Variants in MASP2 observed in about 807,000 individuals in gnomAD.
MASP2 encodes the protein mannan-binding lectin serine protease 2.
A neutral mutation model predicts 57.1 loss-of-function variants in MASP2; 49 were observed. The ratio of observed to expected loss-of-function variants is 0.86; its 90% CI spans 0.68 to 1.09. The LOEUF (loss-of-function observed/expected upper bound fraction) is 1.09. Ranked by LOEUF, MASP2 falls within the 50% of genes least tolerant of loss-of-function variation. MASP2 has a pLI of 0.00. For missense variants in MASP2, 900 were observed against 874.8 expected, an observed-to-expected ratio of 1.03 and a Z score of -0.36; for synonymous variants, 379 against 340.8, an observed-to-expected ratio of 1.11 and a Z score of -1.24.
Position 11,027,593 on chromosome 1 carries a change from T to G in MASP2, c.1353A>C (p.Ala451=), listed in dbSNP as rs373165303. 1.7e-5 allele frequency: 28 copies of G among 1,614,090 alleles called. No homozygotes were observed. Among genetic ancestry groups the G allele is most frequent in the Non-Finnish European group, 2.1e-5 (25 of 1,180,042 alleles). The stretch of plus-strand genomic sequence containing the variant: ...CTTGCCAAGGAAAATCACCAGGTTT[T>G]GCCTTTTGCCCTCCATATATACGCC... The part of the protein sequence containing the change: ...TGGRIYGGQK[A]KPGDFPWQVL... Residue 451 remains alanine (A), a synonymous_variant, in exon 11 of 11, where the codon GCA becomes GCC. Coordinates refer to ENST00000400897, the MANE Select transcript of MASP2 (RefSeq NM_006610.4).
chr1:11,045,146 G>A (rs915325456), intron 4 of MASP2: 4 of 743,652 alleles, frequency 5.4e-6, no homozygotes, highest in African/African-American at 5.2e-5. Context: ...GGCTACATGA[G>A]GGGTTCCCAG....
intron 8 of MASP2, among the ~76,000 whole-genome samples, chr1:11,034,056 G>A (rs978653384): frequency 6.6e-6 from 1 of 151,642 alleles, no homozygotes. Context: ...TGGCCAACAT[G>A]GTGAAACCCC....
chr1:11,035,794 G>C (rs1643881946), intron 7 of MASP2, among the ~76,000 whole-genome samples: 1 of 151,738 alleles, frequency 6.6e-6, no homozygotes, highest in South Asian at 2.1e-4. Flanking sequence ...TACTTGGGAG[G>C]CTGGGGTGAG....
At chr1:11,033,327 T>TC (rs1643866600) in intron 8 of MASP2, among the ~76,000 whole-genome samples, 1 of 138,048 alleles carries the variant, frequency 7.2e-6, no homozygotes, top group South Asian at 2.3e-4. Context: ...AAACTGCGTC[T>TC]CCAAAAAAAA....
chr1:11,036,532 A>C (rs1435614726), intron 7 of MASP2, among the ~76,000 whole-genome samples: 15 of 141,828 alleles, frequency 1.1e-4, no homozygotes, highest in East Asian at 7.8e-4. Flanking sequence ...AAAAAAAAAA[A>C]AAAAACAAAA....
chr1:11,041,899 T>C (rs1638463875), intron 6 of MASP2, among the ~76,000 whole-genome samples: 1 of 144,272 alleles, frequency 6.9e-6, no homozygotes, highest in Admixed American at 6.9e-5. Context: ...GGTGGTTGGA[T>C]AGAAGGATGG....
At position 11,033,329 on chromosome 1, in the gene MASP2, CA is replaced by C. The variant is rs1224565421; in HGVS notation, c.1087+1498del. On this transcript the variant is annotated intron_variant, in intron 8 of 10. Coordinates refer to ENST00000400897, the MANE Select transcript of MASP2 (RefSeq NM_006610.4). Reference sequence around the variant, plus strand: ...GGCAACAAGAACAAAACTGCGTCTCCAAAAAAAAAAAGAAAAAGAAAAAAAT... The same window carrying C: ...GGCAACAAGAACAAAACTGCGTCTCCAAAAAAAAAAGAAAAAGAAAAAAAT... Among the ~76,000 whole-genome samples, 839 of 127,818 alleles carry C rather than the reference CA, an allele frequency of 6.6e-3. 6 individuals are homozygous for C. The highest frequency in any genetic ancestry group is 0.018 in the African/African-American group (619 of 34,336). 83.9% of individuals were successfully genotyped at this position (127,818 alleles called of 152,430 possible). A position where few individuals can be genotyped will look rare whatever the true frequency, so the allele number is the denominator to read the frequency against.
chr1:11,026,814 G>A lies in MASP2; in HGVS notation c.*71C>T, dbSNP rs565006914. On this transcript the variant is annotated 3_prime_UTR_variant, in exon 11 of 11. Transcript: ENST00000400897. ...TCCACAGTAATGATGAATGCTTCTC[G>A]AGCCACGTCGCTGCCAAGGTCTTCA... 6 of 1,333,306 alleles carry A rather than the reference G, an allele frequency of 4.5e-6. No individual in the cohort carries two copies. In the South Asian group the frequency reaches 5.4e-5, roughly 12 times the overall value. 82.6% of individuals were successfully genotyped at this position (1,333,306 alleles called of 1,614,324 possible).
intron 7 of MASP2, among the ~76,000 whole-genome samples, chr1:11,035,851 G>A (rs1034482442): frequency 1.2e-4 from 18 of 146,154 alleles, no homozygotes; most frequent in African/African-American, 3.6e-4. Flanking sequence ...AGCTGTGATC[G>A]TGCCACTGCA....
At position 11,045,459 on chromosome 1, in the gene MASP2, A is replaced by G; in HGVS notation, c.493T>C (p.Cys165Arg). 6.2e-7 allele frequency: 1 copy of G among 1,613,148 alleles called. No homozygotes were observed. The highest frequency in any genetic ancestry group is 1.7e-5 in the Admixed American group (1 of 60,012). The part of the protein sequence containing the change: ...HCHNHLGGFY[C>R]SCRAGYVLHR... The stretch of plus-strand genomic sequence containing the variant: ...AGGACGTAGCCTGCGCGGCAGGAGC[A>G]GTAGAAACCGCCCAGGTGGTTGTGG... Residue 165 changes from cysteine (C) to arginine (R), a missense_variant, in exon 4 of 11, where the codon TGC (cysteine) becomes CGC (arginine). Cys to Arg is a radical substitution (Grantham distance 180). Coordinates refer to ENST00000400897, the MANE Select transcript of MASP2 (RefSeq NM_006610.4).
At chr1:11,044,783 A>C in intron 4 of MASP2, 2 of 1,358,256 alleles carry the variant, frequency 1.5e-6, no homozygotes, top group Non-Finnish European at 2.0e-6. Flanking sequence ...CACCCCAGAG[A>C]CACGTGGCAG....
chr1:11,044,655 G>A (rs3819991), intron 4 of MASP2: 553,435 of 744,970 alleles, frequency 0.74, 207,373 homozygotes, highest in Non-Finnish European at 0.77. Context: ...TCTTCAAAAC[G>A]GGGGGTGAGG....
intron 6 of MASP2, among the ~76,000 whole-genome samples, chr1:11,038,262 G>A (rs542968859): frequency 6.6e-6 from 1 of 152,250 alleles, no homozygotes; most frequent in Non-Finnish European, 1.5e-5. Flanking sequence ...TTCTTCATCT[G>A]CAAGATGGGG....
At chr1:11,043,208 T>G in intron 5 of MASP2, 131 bp downstream of exon 5, 3 of 984,104 alleles carry the variant, frequency 3.0e-6, no homozygotes, top group Non-Finnish European at 4.5e-6. Context: ...TGGACCTCCA[T>G]AGAGCACCTG....
At position 11,029,399 on chromosome 1, in the gene MASP2, C is replaced by CAA. The variant is rs202243830; in HGVS notation, c.1297+775_1297+776dup. Among the ~76,000 whole-genome samples, 50 of 147,676 alleles carry CAA rather than the reference C, an allele frequency of 3.4e-4. 1 individual carries two copies. In the South Asian group the frequency reaches 9.0e-3, roughly 27 times the overall value. ...CTGGCAAGAGAGCGAGATTCCGTCT[C>CAA]AAAAAATAATAATAATAATTCTACT... On this transcript the variant is annotated intron_variant, in intron 10 of 10. Coordinates refer to ENST00000400897, the MANE Select transcript of MASP2 (RefSeq NM_006610.4).
chr1:11,031,359 T>TA (rs1359118224), intron 8 of MASP2, among the ~76,000 whole-genome samples: 1 of 148,032 alleles, frequency 6.8e-6, no homozygotes, highest in Non-Finnish European at 1.5e-5. Context: ...CCGTCTCTAC[T>TA]AAAAATACAA....
At position 11,027,335 on chromosome 1, in the gene MASP2, T is replaced by C; in HGVS notation, c.1611A>G (p.Lys537=). The change falls in exon 11 of 11, where the codon AAA becomes AAG. Residue 537 remains lysine (K), a synonymous_variant. Transcript: ENST00000400897. ...TATTGATTACAACTTTGTTATTCAATTTAATCAGTGCTATGTCATTGTCAA... is the reference window on the plus strand; with the variant it reads ...TATTGATTACAACTTTGTTATTCAACTTAATCAGTGCTATGTCATTGTCAA... ...AGFDNDIALI[K]LNNKVVINSN... is the part of the protein sequence containing the mutation. 1 of 1,614,170 alleles carries C rather than the reference T, an allele frequency of 6.2e-7. No homozygotes were observed. Among genetic ancestry groups the C allele is most frequent in the South Asian group, 1.1e-5 (1 of 91,084 alleles).
In MASP2 at chr1:11,027,547, T is replaced by C; in HGVS notation, c.1399A>G (p.Thr467Ala). Reference protein sequence around the residue: ...PWQVLILGGTTAAGALLYDNW... With the variant: ...PWQVLILGGTAAAGALLYDNW... ...TCATATAAAAGTGCACCTGCTGCTG[T>C]GGTTCCACCTAATATCAGGACTTGC... Residue 467 changes from threonine to alanine, a missense_variant, in exon 11 of 11, where the codon ACA becomes GCA. By Grantham distance (58) the Thr-to-Ala change is moderately conservative. Coordinates refer to ENST00000400897, the MANE Select transcript of MASP2 (RefSeq NM_006610.4). 6.2e-7 allele frequency: 1 copy of C among 1,614,246 alleles called. No homozygotes were observed. Among genetic ancestry groups the C allele is most frequent in the Non-Finnish European group, 8.5e-7 (1 of 1,180,030 alleles).
At chr1:11,028,694 TG>T (rs1271284316) in intron 10 of MASP2, among the ~76,000 whole-genome samples, 136 of 123,938 alleles carry the variant, frequency 1.1e-3, no homozygotes, top group African/African-American at 4.2e-3. Context: ...ACTATCTTTC[TG>T]GGTTTTTTTT....
Sources: allele counts gnomAD v4.1 joint callset (sites outside exome capture counted in the v4.1 genomes callset), GRCh38; gene constraint gnomAD v4.1.1; transcripts MANE v1.5; gene names NCBI Gene and HGNC (gene_info 2026-07-23, HGNC 2026-07-21).